MMD2: variants seen among roughly 807,000 people sequenced by gnomAD.
MMD2 encodes monocyte to macrophage differentiation associated 2.
In MMD2, 30 loss-of-function variants were observed where a neutral mutation model predicts 33.5. That is an observed-to-expected ratio of 0.90 (90% CI 0.67 to 1.22). The LOEUF is 1.22. Ranked by LOEUF, MMD2 falls within the 50% of genes most tolerant of loss-of-function variation. MMD2 has a pLI of 0.00. For missense variants in MMD2, 364 were observed against 325.4 expected, an observed-to-expected ratio of 1.12 and a Z score of -0.91; for synonymous variants, 129 against 123.0, an observed-to-expected ratio of 1.05 and a Z score of -0.32.
rs1786472507 is a variant in MMD2 at position 4,959,130 on chromosome 7, G to A, written c.-113C>T. ...TGGAGGGCGCGCGGCGGGGGCCAAG[G>A]GGACCTGGTCGGCGCCCGGAGCCGG... is the stretch of plus-strand genomic sequence containing the variant. On this transcript the variant is annotated 5_prime_UTR_variant, in exon 1 of 7. Transcript: ENST00000401401. 1.1e-6 allele frequency: 1 copy of A among 891,176 alleles called. No homozygotes were observed. The highest frequency in any genetic ancestry group is 1.5e-6 in the Non-Finnish European group (1 of 677,890). 55.2% of individuals were successfully genotyped at this position (891,176 alleles called of 1,614,324 possible). A position where few individuals can be genotyped will look rare whatever the true frequency, so the allele number is the denominator to read the frequency against.
chr7:4,942,861 C>G (rs1179456426), intron 1 of MMD2, among the ~76,000 whole-genome samples: 6 of 151,806 alleles, frequency 4.0e-5, no homozygotes, highest in Admixed American at 3.3e-4. Flanking sequence ...AAGTGATCCA[C>G]CCACCTCAGC....
intron 4 of MMD2, among the ~76,000 whole-genome samples, chr7:4,915,804 A>G (rs572456896): frequency 6.6e-6 from 1 of 152,040 alleles, no homozygotes; most frequent in Non-Finnish European, 1.5e-5. Flanking sequence ...TAACTCAAGA[A>G]GTGAGTTATT....
chr7:4,941,430 G>A (rs568333613), intron 1 of MMD2, among the ~76,000 whole-genome samples: 1 of 152,182 alleles, frequency 6.6e-6, no homozygotes, highest in Non-Finnish European at 1.5e-5. Flanking sequence ...AGGAATTCAA[G>A]ACCAGCCTGG....
intron 1 of MMD2, among the ~76,000 whole-genome samples, chr7:4,929,734 A>T (rs1320713974): frequency 6.6e-6 from 1 of 151,946 alleles, no homozygotes; most frequent in Non-Finnish European, 1.5e-5. Context: ...TATGTTGGCC[A>T]GGTTGGTCTC....
intron 2 of MMD2, among the ~76,000 whole-genome samples, chr7:4,920,874 C>G (rs931908029): frequency 3.3e-5 from 5 of 151,860 alleles, no homozygotes; most frequent in African/African-American, 1.2e-4. Flanking sequence ...CCCACCACCA[C>G]GACTGGCCAA....
intron 6 of MMD2, among the ~76,000 whole-genome samples, chr7:4,908,770 G>C (rs540172091): frequency 6.6e-6 from 1 of 151,756 alleles, no homozygotes; most frequent in African/African-American, 2.4e-5. Context: ...GGTGGCACGC[G>C]CCTGTAATCC....
At chr7:4,908,485 C>T (rs1038683318) in intron 6 of MMD2, among the ~76,000 whole-genome samples, 2 of 152,048 alleles carry the variant, frequency 1.3e-5, no homozygotes, top group Non-Finnish European at 2.9e-5. Flanking sequence ...TGGGTATATA[C>T]CCAAAGAATT....
chr7:4,920,613 CCCTTT>C (rs1785256537), intron 2 of MMD2, among the ~76,000 whole-genome samples: 1 of 148,874 alleles, frequency 6.7e-6, no homozygotes, highest in African/African-American at 2.5e-5. Context: ...TTCCCTTTTC[CCCTTT>C]CCTTTCCTTT....
rs368745668 is a variant in MMD2 at position 4,948,381 on chromosome 7, C to T, written c.47+10590G>A. ...TCTAAAAATACAAAAATTAGCTGGA[C>T]GTGGTGGCGCACATGCCTGTAGTAC... On this transcript the variant is annotated intron_variant, in intron 1 of 6. Coordinates refer to ENST00000401401, the MANE Select transcript of MMD2 (RefSeq NM_198403.4). Among the ~76,000 whole-genome samples the T allele has an allele frequency of 2.1e-4, 32 of 152,126 alleles. 2 individuals are homozygous for T. The highest frequency in any genetic ancestry group is 7.7e-4 in the African/African-American group (32 of 41,510).
At chr7:4,902,250 C>T (rs537571951), downstream of MMD2, among the ~76,000 whole-genome samples, 1 of 152,192 alleles carries the variant, frequency 6.6e-6, no homozygotes, top group Non-Finnish European at 1.5e-5. Context: ...CCACGCCCCA[C>T]CAAAAAAAAT....
chr7:4,948,978 G>C (rs1426331161), intron 1 of MMD2, among the ~76,000 whole-genome samples: 1 of 152,054 alleles, frequency 6.6e-6, no homozygotes, highest in Non-Finnish European at 1.5e-5. Flanking sequence ...TGCCTAACTA[G>C]TTTTTGTATT....
chr7:4,936,372 A>C (rs1440805302), intron 1 of MMD2, among the ~76,000 whole-genome samples: 2 of 152,106 alleles, frequency 1.3e-5, no homozygotes, highest in Admixed American at 1.3e-4. Flanking sequence ...TTGAAAGAAA[A>C]CAGGGAGATT....
At chr7:4,905,583 G>A (rs114994617), downstream of MMD2, among the ~76,000 whole-genome samples, 1,312 of 152,192 alleles carry the variant, frequency 8.6e-3, 27 homozygotes, top group African/African-American at 0.03. This position sits in a 1 kb window ranked among gnomAD's most constrained non-coding sequence, Gnocchi z 5.0. Context: ...CATCGTGATC[G>A]CAGGATTTTA....
intron 1 of MMD2, among the ~76,000 whole-genome samples, chr7:4,957,800 G>C (rs1786428264): frequency 1.3e-5 from 2 of 152,182 alleles, no homozygotes; most frequent in African/African-American, 4.8e-5. Flanking sequence ...TGTCCCCCAG[G>C]GGGAAACAGA....
the MMD2 span, among the ~76,000 whole-genome samples, chr7:4,895,726 G>A: frequency 2.8e-4 from 43 of 152,060 alleles, no homozygotes; most frequent in African/African-American, 1.0e-3. Flanking sequence ...TAGTAGAGAC[G>A]TGTTTCATCA....
intron 4 of MMD2, 52 bp downstream of exon 4, chr7:4,915,953 C>T: frequency 6.4e-7 from 1 of 1,562,832 alleles, no homozygotes. Context: ...TAAATTCAAA[C>T]AATGAAAAGA....
intron 2 of MMD2, among the ~76,000 whole-genome samples, chr7:4,924,574 G>T (rs982465223): frequency 1.3e-5 from 2 of 152,218 alleles, no homozygotes; most frequent in African/African-American, 4.8e-5. Context: ...ATGGACAGCT[G>T]GCATGGTGAT....
chr7:4,918,867 G>T (rs898435266), intron 3 of MMD2, among the ~76,000 whole-genome samples: 1 of 151,932 alleles, frequency 6.6e-6, no homozygotes, highest in African/African-American at 2.4e-5. Context: ...GGAAGCCAAG[G>T]AGGGCAGATC....
intron 2 of MMD2, among the ~76,000 whole-genome samples, chr7:4,922,768 A>T (rs867703644): frequency 6.6e-6 from 1 of 151,980 alleles, no homozygotes; most frequent in Admixed American, 6.6e-5. Context: ...GCGATCACCT[A>T]CCATGCCTAG....
Sources: allele counts gnomAD v4.1 joint callset (sites outside exome capture counted in the v4.1 genomes callset), GRCh38; gene constraint gnomAD v4.1.1; non-coding constraint Gnocchi (gnomAD v3.1); transcripts MANE v1.5; gene names NCBI Gene and HGNC (gene_info 2026-07-23, HGNC 2026-07-21).